Variants in GRB14 observed in about 807,000 individuals in gnomAD.
The protein encoded by GRB14 is growth factor receptor-bound protein 14.
GRB14 carries 38 observed loss-of-function variants against 69.1 expected under a neutral mutation model. The ratio of observed to expected loss-of-function variants is 0.55; its 90% confidence interval spans 0.42 to 0.72. The LOEUF (loss-of-function observed/expected upper bound fraction) is 0.72. Among genes scored for constraint, GRB14 ranks in the 30% least tolerant of loss-of-function variants. GRB14 has a pLI of 0.00. For synonymous variants in GRB14, 247 were observed against 241.3 expected, an observed-to-expected ratio of 1.02 and a Z score of -0.22; for missense variants, 666 against 666.1, an observed-to-expected ratio of 1.00 and a Z score of 0.00.
chr2:164,619,604 A>G, intron 2 of GRB14, 83 bp downstream of exon 2: 1 of 877,676 alleles, frequency 1.1e-6, no homozygotes, highest in South Asian at 1.8e-5. Context: ...CTTTGTTAAT[A>G]CTGTAAATTA....
At chr2:164,609,101 C>G (rs1690107567) in intron 2 of GRB14, among the ~76,000 whole-genome samples, 1 of 152,126 alleles carries the variant, frequency 6.6e-6, no homozygotes, top group Non-Finnish European at 1.5e-5. Flanking sequence ...TTTAAAAGAT[C>G]AGTTACTAAC....
intron 2 of GRB14, among the ~76,000 whole-genome samples, chr2:164,614,799 T>C (rs1690247360): frequency 6.6e-6 from 1 of 152,098 alleles, no homozygotes; most frequent in Non-Finnish European, 1.5e-5. Flanking sequence ...AAGATTCCTA[T>C]AGGACCACAC....
chr2:164,495,221 C>T (rs1686861187), intron 12 of GRB14, among the ~76,000 whole-genome samples: 1 of 152,080 alleles, frequency 6.6e-6, no homozygotes, highest in African/African-American at 2.4e-5. Flanking sequence ...AGATTACAGG[C>T]ATGAGCCACC....
At chr2:164,540,454 C>G (rs1267282280) in intron 3 of GRB14, among the ~76,000 whole-genome samples, 2 of 151,968 alleles carry the variant, frequency 1.3e-5, no homozygotes, top group South Asian at 2.1e-4. Flanking sequence ...ACTAAAAATA[C>G]AAAAATTAGC....
Position 164,555,969 on chromosome 2 carries a change from T to C in GRB14, c.325-8153A>G, listed in dbSNP as rs370055743. On this transcript the variant is annotated intron_variant, in intron 2 of 13. Coordinates refer to ENST00000263915, the MANE Select transcript of GRB14 (RefSeq NM_004490.3). ...ATGTACTAATAGATAGGCAATGTAC[T>C]AATATTTCATGAGAAATATTTTTAT... Among the ~76,000 whole-genome samples, 25 of 152,186 alleles carry C rather than the reference T, an allele frequency of 1.6e-4. 1 individual carries two copies. In the East Asian group the frequency reaches 2.1e-3, roughly 13 times the overall value.
intron 3 of GRB14, among the ~76,000 whole-genome samples, chr2:164,535,731 G>T (rs780306428): frequency 1.3e-5 from 2 of 152,090 alleles, no homozygotes; most frequent in Non-Finnish European, 2.9e-5. Context: ...TTTCTAAAAG[G>T]TTCCTTAACC....
At chr2:164,591,204 A>G (rs1689654864) in intron 2 of GRB14, among the ~76,000 whole-genome samples, 2 of 152,218 alleles carry the variant, frequency 1.3e-5, no homozygotes, top group Non-Finnish European at 2.9e-5. Flanking sequence ...CTAGGGAAGG[A>G]GAAAGAGCAC....
chr2:164,516,338 G>A (rs558434358), intron 6 of GRB14, among the ~76,000 whole-genome samples: 1 of 152,048 alleles, frequency 6.6e-6, no homozygotes, highest in East Asian at 1.9e-4. Context: ...ACCTATAAAA[G>A]AAAACCTACC....
rs567649743 is a variant in GRB14 at position 164,554,769 on chromosome 2, C to G, written c.325-6953G>C. On this transcript the variant is annotated intron_variant, in intron 2 of 13. Coordinates refer to ENST00000263915, the MANE Select transcript of GRB14 (RefSeq NM_004490.3). ...ATCTCTGTTTTGGCTGACATTCTAT[C>G]AAGGCATGTTTATACACTTTACACA... is the stretch of plus-strand genomic sequence containing the variant. Among the ~76,000 whole-genome samples the G allele has an allele frequency of 3.3e-5, 5 of 152,136 alleles. No homozygotes were observed. The East Asian group carries it at 9.7e-4, about 29-fold the overall frequency.
chr2:164,538,560 TG>T (rs1173665173), intron 3 of GRB14, among the ~76,000 whole-genome samples: 1 of 152,168 alleles, frequency 6.6e-6, no homozygotes, highest in African/African-American at 2.4e-5. Context: ...TCTGTCAAAG[TG>T]TGTGTACAAG....
chr2:164,527,206 T>A (rs867342303), intron 3 of GRB14, 71 bp from the exon 4 acceptor site: 3 of 204,346 alleles, frequency 1.5e-5, no homozygotes, highest in Non-Finnish European at 2.7e-5. Flanking sequence ...TATATATATA[T>A]ATATATATAT....
chr2:164,509,332 G>T (rs1687277781), intron 6 of GRB14, among the ~76,000 whole-genome samples: 1 of 152,066 alleles, frequency 6.6e-6, no homozygotes, highest in African/African-American at 2.4e-5. Flanking sequence ...TCACATTTGT[G>T]TACAGTGGAA....
chr2:164,582,426 T>A (rs868442824), intron 2 of GRB14, among the ~76,000 whole-genome samples: 9,362 of 46,420 alleles, frequency 0.2, 658 homozygotes, highest in African/African-American at 0.3. Flanking sequence ...TATTTATTAT[T>A]TTTTTTTTTT....
In GRB14 at chr2:164,621,383, C is replaced by A. The variant is rs1221152764; in HGVS notation, c.-74G>T. On this transcript the variant is annotated 5_prime_UTR_variant, in exon 1 of 14. Transcript: ENST00000263915. This position sits in a 1 kb window ranked among gnomAD's most constrained non-coding sequence, Gnocchi z 6.0. ...GAGAAGGGGTTTGCGCGGCGGGAGG[C>A]GAGGTGCCGGCTAGGCAGCCCGAGC... 8.4e-7 allele frequency: 1 copy of A among 1,185,004 alleles called. No homozygotes were observed. Among genetic ancestry groups the A allele is most frequent in the Non-Finnish European group, 1.1e-6 (1 of 942,622 alleles). The allele number at this position is 1,185,004 out of a possible 1,614,324, so 73.4% of individuals were successfully genotyped here.
chr2:164,568,381 T>C, intron 2 of GRB14: 1 of 1,287,754 alleles, frequency 7.8e-7, no homozygotes, highest in Non-Finnish European at 1.0e-6. Flanking sequence ...AACTCATGCC[T>C]GCTCTTCTTA....
chr2:164,582,712 C>T (rs1370578846), intron 2 of GRB14, among the ~76,000 whole-genome samples: 2 of 152,176 alleles, frequency 1.3e-5, no homozygotes, highest in African/African-American at 2.4e-5. Flanking sequence ...AGCCACCGCA[C>T]CCGGCCTATT....
Position 164,497,315 on chromosome 2 carries a change from T to G in GRB14, c.1222-32A>C, listed in dbSNP as rs556574512. On this transcript the variant is annotated intron_variant, in intron 10 of 13. Coordinates refer to ENST00000263915, the MANE Select transcript of GRB14 (RefSeq NM_004490.3). ...AAGGAAGGAGAAAACAAATCTCAAG[T>G]TTTTAGGTGAAACAAACTGAAATCA... 8.1e-6 allele frequency: 13 copies of G among 1,608,588 alleles called. No homozygotes were observed. In the Admixed American group the frequency reaches 2.2e-4, roughly 27 times the overall value.
intron 2 of GRB14, among the ~76,000 whole-genome samples, chr2:164,608,949 C>T (rs1206829520): frequency 6.6e-6 from 1 of 152,058 alleles, no homozygotes; most frequent in Non-Finnish European, 1.5e-5. Context: ...AAGAGTTTAT[C>T]GTATGATTTG....
intron 2 of GRB14, among the ~76,000 whole-genome samples, chr2:164,600,990 A>G (rs1213373423): frequency 6.6e-6 from 1 of 152,264 alleles, no homozygotes; most frequent in East Asian, 1.9e-4. Context: ...GGAAAAAAAA[A>G]AGGTTGAGAA....
Sources: allele counts gnomAD v4.1 joint callset (sites outside exome capture counted in the v4.1 genomes callset), GRCh38; gene constraint gnomAD v4.1.1; non-coding constraint Gnocchi (gnomAD v3.1); transcripts MANE v1.5; gene names NCBI Gene and HGNC (gene_info 2026-07-23, HGNC 2026-07-21).